DPP10: variants seen among roughly 807,000 people sequenced by gnomAD.
The protein encoded by DPP10 is inactive dipeptidyl peptidase 10.
DPP10 carries 33 observed loss-of-function variants against 120.9 expected under a neutral mutation model. That is an observed-to-expected ratio of 0.27 (90% confidence interval 0.21 to 0.37). The LOEUF (loss-of-function observed/expected upper bound fraction) is 0.37, where lower values mean the gene tolerates loss of function less well. Among genes scored for constraint, DPP10 ranks in the 10% least tolerant of loss-of-function variants. The pLI, the probability that DPP10 is intolerant of heterozygous loss-of-function variation, is 1.00. For missense variants in DPP10, 816 were observed against 942.8 expected (o/e 0.87, Z 1.76); for synonymous variants, 337 against 326.1 (o/e 1.03, Z -0.36).
chr2:114,766,253 CCATTT>C (rs1680695909), intron 1 of DPP10, among the ~76,000 whole-genome samples: 3 of 151,988 alleles, frequency 2.0e-5, no homozygotes, highest in Admixed American at 6.6e-5. Context: ...TACTGCACTC[CCATTT>C]CATCAGCTAA....
In DPP10 at chr2:114,497,279, ACG is replaced by A. The variant is rs1491343904; in HGVS notation, c.60+54442_60+54443del. 2.4e-4 allele frequency among the ~76,000 whole-genome samples: 13 copies of A among 54,958 alleles called. No homozygotes were observed. The East Asian group carries it at 3.2e-3, about 13-fold the overall frequency. 36.1% of individuals were successfully genotyped at this position (54,958 alleles called of 152,430 possible). A position where few individuals can be genotyped will look rare whatever the true frequency, so the allele number is the denominator to read the frequency against. ...TACGTGTGTATACATGTACATGTAT[ACG>A]TGTATACATGTACATGTATACGTGT... On this transcript the variant is annotated intron_variant, in intron 1 of 25. Coordinates refer to ENST00000410059, the MANE Select transcript of DPP10 (RefSeq NM_020868.6).
chr2:115,795,811 G>A (rs1342632526), intron 19 of DPP10, among the ~76,000 whole-genome samples: 7 of 152,006 alleles, frequency 4.6e-5, no homozygotes, highest in Non-Finnish European at 8.8e-5. Flanking sequence ...ATTTTAATTA[G>A]CATCAAGCTT....
chr2:114,985,598 A>C (rs1324768607), intron 1 of DPP10, among the ~76,000 whole-genome samples: 1 of 152,226 alleles, frequency 6.6e-6, no homozygotes, highest in East Asian at 1.9e-4. Flanking sequence ...CAGTGTCCAC[A>C]AATGAGCCAA....
intron 1 of DPP10, among the ~76,000 whole-genome samples, chr2:115,114,713 T>C (rs1458012737): frequency 1.3e-5 from 2 of 152,078 alleles, no homozygotes; most frequent in Non-Finnish European, 2.9e-5. Flanking sequence ...AATGTCCAAT[T>C]CAAAATATAA....
intron 23 of DPP10, 23 bp downstream of exon 23, chr2:115,836,588 A>T (rs1689553065): frequency 6.2e-7 from 1 of 1,612,072 alleles, no homozygotes; most frequent in Non-Finnish European, 8.5e-7. Flanking sequence ...AAAATAACAA[A>T]GAAAGAGGAG....
At chr2:114,510,949 A>G (rs1684093825) in intron 1 of DPP10, among the ~76,000 whole-genome samples, 1 of 152,248 alleles carries the variant, frequency 6.6e-6, no homozygotes, top group Non-Finnish European at 1.5e-5. Flanking sequence ...TACAGATACC[A>G]AAGAGCTTAA....
intron 5 of DPP10, among the ~76,000 whole-genome samples, chr2:115,559,543 CTTAG>C (rs927190580): frequency 3.9e-5 from 6 of 151,924 alleles, no homozygotes; most frequent in Middle Eastern, 3.4e-3. Context: ...TTTCTTGGTG[CTTAG>C]TTAATCTAGG....
At chr2:114,477,274 A>G (rs897225876) in intron 1 of DPP10, among the ~76,000 whole-genome samples, 2 of 151,896 alleles carry the variant, frequency 1.3e-5, no homozygotes, top group Non-Finnish European at 2.9e-5. Context: ...GGATTCTTAT[A>G]TGCACTCTTT....
chr2:115,018,802 G>A (rs1702857832), intron 1 of DPP10, among the ~76,000 whole-genome samples: 1 of 152,096 alleles, frequency 6.6e-6, no homozygotes. Context: ...CATGGCAAGT[G>A]TATACCTATG....
chr2:114,612,170 C>T (rs1025568816), intron 1 of DPP10, among the ~76,000 whole-genome samples: 4 of 152,152 alleles, frequency 2.6e-5, no homozygotes, highest in Non-Finnish European at 5.9e-5. Context: ...AGGCCCTGCA[C>T]GGATGGCATC....
At chr2:115,338,844 A>AT (rs768165239) in intron 2 of DPP10, among the ~76,000 whole-genome samples, 46 of 152,298 alleles carry the variant, frequency 3.0e-4, no homozygotes, top group Middle Eastern at 3.4e-3. Context: ...AAACTATAAC[A>AT]TTTTTTAGGA....
At chr2:115,525,531 T>A (rs2078076834) in intron 4 of DPP10, among the ~76,000 whole-genome samples, 1 of 152,078 alleles carries the variant, frequency 6.6e-6, no homozygotes, top group South Asian at 2.1e-4. Context: ...ACAAACAGAA[T>A]GTCAATACTT....
intron 17 of DPP10, among the ~76,000 whole-genome samples, chr2:115,783,794 G>C (rs1226260054): frequency 6.6e-6 from 1 of 152,156 alleles, no homozygotes; most frequent in African/African-American, 2.4e-5. Context: ...AACTATCAGT[G>C]TATAAAATAA....
chr2:114,972,941 C>T (rs1574607238), intron 1 of DPP10, among the ~76,000 whole-genome samples: 2 of 152,222 alleles, frequency 1.3e-5, no homozygotes, highest in African/African-American at 4.8e-5. Context: ...ACGATAGCCT[C>T]TGTCCAGCAT....
At chr2:115,384,633 AAGAAAGAAGGAAGAAG>A (rs1178469077) in intron 3 of DPP10, among the ~76,000 whole-genome samples, 1 of 150,992 alleles carries the variant, frequency 6.6e-6, no homozygotes, top group Non-Finnish European at 1.5e-5. Context: ...GAAGAGGAAG[AAGAAAGAAGGAAGAAG>A]AAGAAGGAAG....
At chr2:114,445,698 G>A (rs1181993634) in intron 1 of DPP10, among the ~76,000 whole-genome samples, 4 of 151,942 alleles carry the variant, frequency 2.6e-5, no homozygotes, top group Non-Finnish European at 5.9e-5. Context: ...AGAGGAAATT[G>A]GGAGAAGTTA....
intron 1 of DPP10, among the ~76,000 whole-genome samples, chr2:115,169,416 A>G (rs2053142360): frequency 6.6e-6 from 1 of 151,736 alleles, no homozygotes; most frequent in African/African-American, 2.4e-5. Context: ...TGTGTACACC[A>G]TTATCAAATA....
At chr2:114,509,514 C>T (rs866392113) in intron 1 of DPP10, among the ~76,000 whole-genome samples, 1 of 152,120 alleles carries the variant, frequency 6.6e-6, no homozygotes, top group Non-Finnish European at 1.5e-5. Flanking sequence ...TTCTGAACTG[C>T]TTTTCCCCAA....
chr2:114,882,198 G>T (rs1259224372), intron 1 of DPP10, among the ~76,000 whole-genome samples: 1 of 151,938 alleles, frequency 6.6e-6, no homozygotes, highest in South Asian at 2.1e-4. Context: ...ATATGAAAAA[G>T]ACACACACAT....
Sources: allele counts gnomAD v4.1 joint callset (sites outside exome capture counted in the v4.1 genomes callset), GRCh38; gene constraint gnomAD v4.1.1; transcripts MANE v1.5; gene names NCBI Gene and HGNC (gene_info 2026-07-23, HGNC 2026-07-21).